The following NAV2 variants were observed in gnomAD, a reference collection of about 807,000 sequenced individuals.
NAV2 encodes helicase, APC down-regulated 1.
NAV2 carries 54 observed loss-of-function variants against 223.2 expected under a neutral mutation model. The observed-to-expected ratio is 0.24, with a 90% CI of 0.19 to 0.30. The LOEUF (loss-of-function observed/expected upper bound fraction) is 0.30, where lower values mean the gene tolerates loss of function less well. Ranked by LOEUF, NAV2 falls within the 10% of genes least tolerant of loss-of-function variation. NAV2 has a pLI of 1.00. For missense variants in NAV2, 2,806 were observed against 3,147.5 expected, an observed-to-expected ratio of 0.89 and a Z score of 2.60; for synonymous variants, 1,279 against 1,239.3, an observed-to-expected ratio of 1.03 and a Z score of -0.67.
Position 20,047,366 on chromosome 11 carries a change from A to G in NAV2, c.3903-1362A>G, listed in dbSNP as rs575369784. 3.3e-5 allele frequency among the ~76,000 whole-genome samples: 5 copies of G among 152,282 alleles called. No individual in the cohort carries two copies. The East Asian group carries it at 7.7e-4, about 24-fold the overall frequency. ...GGTATTCTTAGTTCTCTTGATGTGT[A>G]TTAGTATGGTGAAGAAAAATCTTTG... On this transcript the variant is annotated intron_variant, in intron 14 of 37. Transcript: ENST00000349880.
At chr11:20,049,777 C>T (rs2057793778) in intron 15 of NAV2, 59 bp from the exon 16 acceptor site, 2 of 1,520,298 alleles carry the variant, frequency 1.3e-6, no homozygotes, top group African/African-American at 1.4e-5. Context: ...ATAACAACAC[C>T]TCTCCTTTCT....
At chr11:19,586,506 G>A (rs951676531) in intron 1 of NAV2, among the ~76,000 whole-genome samples, 1 of 152,092 alleles carries the variant, frequency 6.6e-6, no homozygotes, top group African/African-American at 2.4e-5. Context: ...CCATCTTTGT[G>A]GTTTTATCTA....
intron 6 of NAV2, among the ~76,000 whole-genome samples, chr11:19,909,329 G>T (rs2043126112): frequency 6.6e-6 from 1 of 152,084 alleles, no homozygotes; most frequent in African/African-American, 2.4e-5. Flanking sequence ...GAGTACCCAG[G>T]CAGTAAACAG....
chr11:19,368,233 C>T (rs1848355090), intron 1 of NAV2, among the ~76,000 whole-genome samples: 1 of 152,186 alleles, frequency 6.6e-6, no homozygotes, highest in African/African-American at 2.4e-5. Context: ...GCTATTTTTT[C>T]CTCTCCCGAG....
In NAV2 at chr11:19,602,102, G is replaced by A. The variant is rs1238057843; in HGVS notation, c.76-230382G>A. ...CAATCAGCTTTGGCCAGGAAATCGG[G>A]GACATCAAGTATGAAAAGGATGCAC... On this transcript the variant is annotated intron_variant, in intron 1 of 37. Coordinates refer to the NAV2 transcript ENST00000360655. Among the ~76,000 whole-genome samples the A allele has an allele frequency of 3.9e-5, 6 of 152,230 alleles. No homozygotes were observed. The East Asian group carries it at 9.7e-4, about 24-fold the overall frequency.
intron 19 of NAV2, among the ~76,000 whole-genome samples, chr11:20,056,850 T>C (rs961899200): frequency 2.6e-5 from 4 of 152,206 alleles, no homozygotes; most frequent in African/African-American, 4.8e-5. Context: ...GGAGTAATAA[T>C]AGTATTCAGC....
At chr11:19,937,906 A>G (rs1157831544) in intron 7 of NAV2, among the ~76,000 whole-genome samples, 1 of 152,214 alleles carries the variant, frequency 6.6e-6, no homozygotes, top group Non-Finnish European at 1.5e-5. Flanking sequence ...CAAGAGAATA[A>G]GGAGAGTGCT....
intron 5 of NAV2, among the ~76,000 whole-genome samples, chr11:19,884,858 G>T (rs1261261521): frequency 1.3e-5 from 2 of 152,064 alleles, no homozygotes; most frequent in African/African-American, 2.4e-5. Context: ...ACTTGAGCAT[G>T]AATCCATATT....
chr11:19,673,198 A>T (rs972512746), intron 1 of NAV2, among the ~76,000 whole-genome samples: 2 of 152,230 alleles, frequency 1.3e-5, no homozygotes, highest in Admixed American at 6.5e-5. Context: ...AATGATACTT[A>T]TTACTATCTC....
At chr11:19,779,784 C>T (rs10833167) in intron 1 of NAV2, among the ~76,000 whole-genome samples, 26,043 of 152,220 alleles carry the variant, frequency 0.17, 2,877 homozygotes, top group East Asian at 0.56. Flanking sequence ...CCCCACTCTA[C>T]GTTGTACTGT....
intron 1 of NAV2, among the ~76,000 whole-genome samples, chr11:19,541,997 T>A (rs535276447): frequency 6.6e-6 from 1 of 152,188 alleles, no homozygotes; most frequent in East Asian, 1.9e-4. Flanking sequence ...TGAGTCAGTG[T>A]CTTCTCTACT....
chr11:19,522,160 C>G (rs1308231343), intron 1 of NAV2, among the ~76,000 whole-genome samples: 1 of 152,238 alleles, frequency 6.6e-6, no homozygotes, highest in Non-Finnish European at 1.5e-5. Context: ...TTGCCTTCCT[C>G]AAGGATGGCT....
intron 1 of NAV2, among the ~76,000 whole-genome samples, chr11:19,370,158 T>C (rs1052693712): frequency 3.9e-5 from 6 of 152,202 alleles, no homozygotes; most frequent in Non-Finnish European, 7.3e-5. Context: ...CATCCTGTAA[T>C]TGTGCCAGTC....
intron 1 of NAV2, among the ~76,000 whole-genome samples, chr11:19,565,764 G>A (rs1170165919): frequency 6.6e-6 from 1 of 152,184 alleles, no homozygotes; most frequent in Non-Finnish European, 1.5e-5. Flanking sequence ...TGCACCCAAT[G>A]AGATGTGCTT....
intron 3 of NAV2, among the ~76,000 whole-genome samples, chr11:19,860,005 CCT>C (rs2061628543): frequency 8.0e-6 from 1 of 125,340 alleles, no homozygotes; most frequent in African/African-American, 3.1e-5. Flanking sequence ...GCTGACCCCC[CCT>C]CCCTCCCGGA....
intron 1 of NAV2, among the ~76,000 whole-genome samples, chr11:19,755,720 T>A (rs1376489466): frequency 6.6e-6 from 1 of 152,246 alleles, no homozygotes; most frequent in African/African-American, 2.4e-5. Flanking sequence ...AGCCTTGTTA[T>A]AAGGACACCA....
intron 1 of NAV2, among the ~76,000 whole-genome samples, chr11:19,474,025 G>A (rs934828106): frequency 4.6e-5 from 7 of 152,114 alleles, no homozygotes; most frequent in African/African-American, 1.7e-4. Flanking sequence ...TTTAGTCCTG[G>A]ACATTTCCTT....
At chr11:19,829,758 G>A (rs566180358) in intron 1 of NAV2, among the ~76,000 whole-genome samples, 1 of 152,250 alleles carries the variant, frequency 6.6e-6, no homozygotes, top group South Asian at 2.1e-4. Context: ...CCCCAGCATG[G>A]ATCAGGACAG....
intron 1 of NAV2, among the ~76,000 whole-genome samples, chr11:19,463,380 C>A (rs773753768): frequency 4.6e-5 from 7 of 152,210 alleles, no homozygotes; most frequent in Non-Finnish European, 1.0e-4. Flanking sequence ...CCACTCTAAT[C>A]CCATGCCTGT....
Sources: allele counts gnomAD v4.1 joint callset (sites outside exome capture counted in the v4.1 genomes callset), GRCh38; gene constraint gnomAD v4.1.1; transcripts MANE v1.5; gene names NCBI Gene and HGNC (gene_info 2026-07-23, HGNC 2026-07-21).